Variants in RAP1GAP2 observed in about 807,000 individuals in gnomAD.
RAP1GAP2 encodes the protein RAP1 GTPase activating protein 2.
A neutral mutation model predicts 95.0 loss-of-function variants in RAP1GAP2; 27 were observed. The ratio of observed to expected loss-of-function variants is 0.28; its 90% CI spans 0.21 to 0.39. The LOEUF is 0.39. Ranked by LOEUF, RAP1GAP2 falls within the 10% of genes least tolerant of loss-of-function variation. RAP1GAP2 has a pLI of 1.00. For missense variants in RAP1GAP2, 771 were observed against 970.0 expected, an observed-to-expected ratio of 0.79 and a Z score of 2.72; for synonymous variants, 373 against 380.9, an observed-to-expected ratio of 0.98 and a Z score of 0.24.
rs1242735434 is a variant in RAP1GAP2 at position 3,008,524 on chromosome 17, A to C, written c.1494+379A>C. Among the ~76,000 whole-genome samples the C allele has an allele frequency of 1.3e-5, 2 of 152,136 alleles. No homozygotes were observed. Among genetic ancestry groups the C allele is most frequent in the East Asian group, 3.9e-4 (2 of 5,184 alleles). ...CCAGGGCAGAATGGCAGGAGCGAGG[A>C]CCACAGCCCTTACGGGTCTTCGTAG... On this transcript the variant is annotated intron_variant, in intron 17 of 24. Transcript: ENST00000254695. This position sits in a 1 kb window ranked among gnomAD's most constrained non-coding sequence, Gnocchi z 4.2.
chr17:2,879,191 C>T (rs1402097954), intron 2 of RAP1GAP2, among the ~76,000 whole-genome samples: 2 of 151,594 alleles, frequency 1.3e-5, no homozygotes, highest in East Asian at 3.9e-4. Flanking sequence ...TCTCAGCTCA[C>T]TGCAACCTCT....
chr17:2,885,682 C>G (rs1006564350), intron 2 of RAP1GAP2, among the ~76,000 whole-genome samples: 2 of 152,196 alleles, frequency 1.3e-5, no homozygotes, highest in African/African-American at 4.8e-5. Context: ...GATTTTCTGG[C>G]TGGCCTAGGA....
At chr17:2,821,178 C>A (rs1023344699) in intron 2 of RAP1GAP2, among the ~76,000 whole-genome samples, 6 of 152,140 alleles carry the variant, frequency 3.9e-5, no homozygotes, top group African/African-American at 1.2e-4. Flanking sequence ...TCTCTTCACC[C>A]TTTTTCTGTG....
chr17:3,026,515 C>T, intron 21 of RAP1GAP2, 51 bp downstream of exon 21: 2 of 1,374,198 alleles, frequency 1.5e-6, no homozygotes, highest in Non-Finnish European at 9.9e-7. Flanking sequence ...CGTCAGCCAG[C>T]CACCCTCCTT....
chr17:3,035,940 G>A lies in RAP1GAP2; in HGVS notation c.*2579G>A, dbSNP rs2047455987. ...GCTCATCTAGATGGTGCTCACGCTG[G>A]TGTTTGAGGCATTTCCACTGTGATC... On this transcript the variant is annotated 3_prime_UTR_variant, in exon 25 of 25. Transcript: ENST00000254695. The surrounding 1 kb of genome is among the most constrained non-coding windows in gnomAD (Gnocchi z 4.3). The A allele has an allele frequency of 6.6e-6, 1 of 152,208 alleles. No homozygotes were observed. The highest frequency in any genetic ancestry group is 2.1e-4 in the South Asian group (1 of 4,822). The allele number at this position is 152,208 out of a possible 1,614,324, so 9.4% of individuals were successfully genotyped here.
At chr17:2,981,885 G>A (rs1258366944) in intron 10 of RAP1GAP2, among the ~76,000 whole-genome samples, 1 of 152,202 alleles carries the variant, frequency 6.6e-6, no homozygotes, top group East Asian at 1.9e-4. Context: ...ACAGTGAATT[G>A]CTTGAAATTG....
At chr17:2,995,741 T>C (rs1186801330) in intron 13 of RAP1GAP2, among the ~76,000 whole-genome samples, 3 of 151,200 alleles carry the variant, frequency 2.0e-5, no homozygotes, top group African/African-American at 7.4e-5. Context: ...CGTTGACTGA[T>C]GGGAAAACTG....
chr17:2,933,324 C>T (rs1013525691), intron 3 of RAP1GAP2, among the ~76,000 whole-genome samples: 1 of 150,836 alleles, frequency 6.6e-6, no homozygotes, highest in Middle Eastern at 3.2e-3. Flanking sequence ...AAGAACCTTG[C>T]CTGGGGGGCA....
intron 1 of RAP1GAP2, among the ~76,000 whole-genome samples, chr17:2,757,912 C>A (rs2071175071): frequency 6.6e-6 from 1 of 151,892 alleles, no homozygotes; most frequent in Non-Finnish European, 1.5e-5. Flanking sequence ...CACTGTCACC[C>A]AAGCTGGAGT....
chr17:2,849,690 A>G (rs1262554199), intron 2 of RAP1GAP2, among the ~76,000 whole-genome samples: 2 of 152,132 alleles, frequency 1.3e-5, no homozygotes, highest in Non-Finnish European at 1.5e-5. Context: ...GTTCTCTGGG[A>G]CTGTGAGCTT....
intron 1 of RAP1GAP2, among the ~76,000 whole-genome samples, chr17:2,761,328 G>A (rs1430795037): frequency 1.5e-5 from 2 of 129,474 alleles, no homozygotes; most frequent in African/African-American, 5.9e-5. Flanking sequence ...CACTCTTGTT[G>A]CCCAGGCTGG....
rs575152581 is a variant in RAP1GAP2, at chr17:2,892,092, G to A, written c.81-13192G>A. On this transcript the variant is annotated intron_variant, in intron 2 of 24. Transcript: ENST00000254695. Reference sequence around the variant, plus strand: ...GCCTGTCTCGACCTCCCAAAGTGCTGGGATGACAGGCGTGAGCCACCGCAC... The same window carrying A: ...GCCTGTCTCGACCTCCCAAAGTGCTAGGATGACAGGCGTGAGCCACCGCAC... Among the ~76,000 whole-genome samples, 6 of 152,150 alleles carry A rather than the reference G, an allele frequency of 3.9e-5. No individual in the cohort carries two copies. The South Asian group carries it at 1.0e-3, about 26-fold the overall frequency.
At chr17:2,764,079 G>A (rs1260385547) in intron 1 of RAP1GAP2, among the ~76,000 whole-genome samples, 1 of 151,854 alleles carries the variant, frequency 6.6e-6, no homozygotes, top group Non-Finnish European at 1.5e-5. Context: ...AGCAACCTAC[G>A]ATGATGTCAT....
In RAP1GAP2 at chr17:2,866,440, CAG is replaced by C. The variant is rs1046974937; in HGVS notation, c.81-38841_81-38840del. 6.6e-5 allele frequency among the ~76,000 whole-genome samples: 10 copies of C among 152,180 alleles called. No individual in the cohort carries two copies. Among genetic ancestry groups the C allele is most frequent in the Admixed American group, 6.5e-5 (1 of 15,270 alleles). On this transcript the variant is annotated intron_variant, in intron 2 of 24. Coordinates refer to ENST00000254695, the MANE Select transcript of RAP1GAP2 (RefSeq NM_015085.5). This position sits in a 1 kb window ranked among gnomAD's most constrained non-coding sequence, Gnocchi z 4.0. ...TGGTACCCCAGTTAGAATACAAAAA[CAG>C]AGTCAGTCAGTGTTATACATGAAAC...
intron 1 of RAP1GAP2, among the ~76,000 whole-genome samples, chr17:2,768,940 T>C (rs1285045754): frequency 1.3e-5 from 2 of 151,474 alleles, no homozygotes; most frequent in Non-Finnish European, 2.9e-5. Context: ...AATCAAGAAG[T>C]CCATGGCTAG....
chr17:2,980,079 T>C (rs979055913), intron 8 of RAP1GAP2, among the ~76,000 whole-genome samples: 3 of 152,058 alleles, frequency 2.0e-5, no homozygotes, highest in African/African-American at 7.2e-5. Flanking sequence ...TAGCTGGGAT[T>C]ACAGGCATCC....
chr17:3,011,842 G>A (rs914548426), intron 17 of RAP1GAP2, among the ~76,000 whole-genome samples: 1 of 151,990 alleles, frequency 6.6e-6, no homozygotes, highest in Non-Finnish European at 1.5e-5. Flanking sequence ...TTGAACTCCT[G>A]ACATCAGGTG....
chr17:2,899,065 T>G (rs1476806860), intron 2 of RAP1GAP2, among the ~76,000 whole-genome samples: 1 of 151,512 alleles, frequency 6.6e-6, no homozygotes, highest in South Asian at 2.1e-4. Context: ...TCACACAGCA[T>G]GTGGCCTTTT....
In RAP1GAP2 at chr17:2,796,503, G is replaced by C. The variant is rs1041271011; in HGVS notation, c.-25G>C. 7.3e-5 allele frequency: 114 copies of C among 1,553,846 alleles called. No homozygotes were observed. Among genetic ancestry groups the C allele is most frequent in the Non-Finnish European group, 8.9e-5 (102 of 1,148,562 alleles). On this transcript the variant is annotated 5_prime_UTR_variant, in exon 1 of 25. Transcript: ENST00000254695. This position sits in a 1 kb window ranked among gnomAD's most constrained non-coding sequence, Gnocchi z 4.7. ...GGGGACGTCGTTGGGACATCGCTGG[G>C]ACCCCGGGCTCTGCAGCCACAACCA...
Sources: gnomAD v4.1 joint callset for allele counts (sites outside exome capture counted in the v4.1 genomes callset) on GRCh38, gnomAD v4.1.1 for gene constraint, Gnocchi (gnomAD v3.1) non-coding constraint, MANE v1.5 for transcripts, NCBI Gene and HGNC (gene_info 2026-07-23, HGNC 2026-07-21) for gene names.